Variants in RCL1 observed in about 807,000 individuals in gnomAD.
RCL1 encodes the protein RNA 3'-terminal phosphate cyclase-like protein.
In RCL1, 24 loss-of-function variants were observed where a neutral mutation model predicts 42.4. That is an observed-to-expected ratio of 0.57 (90% CI 0.41 to 0.80). The LOEUF (loss-of-function observed/expected upper bound fraction) is 0.80. RCL1 is among the 30% of genes least tolerant of loss of function. RCL1 has a pLI of 0.00. For synonymous variants in RCL1, 228 were observed against 177.3 expected, an observed-to-expected ratio of 1.29 and a Z score of -2.27; for missense variants, 578 against 467.9, an observed-to-expected ratio of 1.24 and a Z score of -2.17.
chr9:4,830,893 G>C (rs147278558), intron 3 of RCL1, among the ~76,000 whole-genome samples: 1 of 152,122 alleles, frequency 6.6e-6, no homozygotes, highest in East Asian at 1.9e-4. Flanking sequence ...CTTAGGGTTT[G>C]ATCTTTGCCT....
chr9:4,807,681 G>A (rs1390332670), intron 1 of RCL1, among the ~76,000 whole-genome samples: 2 of 152,022 alleles, frequency 1.3e-5, no homozygotes, highest in African/African-American at 4.8e-5. Context: ...AAACACACCT[G>A]GCTAATTTTG....
At chr9:4,827,250 G>C in intron 3 of RCL1, 2 of 1,477,784 alleles carry the variant, frequency 1.4e-6, no homozygotes, top group Non-Finnish European at 1.8e-6. Context: ...TTACCAAGGT[G>C]CCTTTTGTTG....
intron 1 of RCL1, among the ~76,000 whole-genome samples, chr9:4,802,939 G>C (rs35230442): frequency 0.033 from 5,086 of 152,128 alleles, 116 homozygotes; most frequent in East Asian, 0.098. Flanking sequence ...TCTTGCCTCA[G>C]CCTCCTGAGT....
chr9:4,818,897 A>G (rs888991741), intron 1 of RCL1, among the ~76,000 whole-genome samples: 1 of 151,916 alleles, frequency 6.6e-6, no homozygotes, highest in Non-Finnish European at 1.5e-5. Flanking sequence ...AAGAAAAAGA[A>G]ATTGAAATCA....
intron 1 of RCL1, among the ~76,000 whole-genome samples, chr9:4,819,605 G>A (rs1177027636): frequency 6.6e-6 from 1 of 152,158 alleles, no homozygotes; most frequent in Non-Finnish European, 1.5e-5. Flanking sequence ...TCAGGAGATT[G>A]AGACCATCCC....
chr9:4,806,040 G>T (rs1000359160), intron 1 of RCL1, among the ~76,000 whole-genome samples: 52 of 136,370 alleles, frequency 3.8e-4, no homozygotes, highest in African/African-American at 1.3e-3. Context: ...GTGTGTGTGT[G>T]TGTGTTTGTG....
At chr9:4,827,979 G>T (rs1017518766) in intron 3 of RCL1, among the ~76,000 whole-genome samples, 2 of 152,090 alleles carry the variant, frequency 1.3e-5, no homozygotes, top group African/African-American at 4.8e-5. Context: ...GAGGTCAGGA[G>T]ATCGAGACCA....
At chr9:4,811,836 C>A (rs1049506556) in intron 1 of RCL1, among the ~76,000 whole-genome samples, 1 of 152,158 alleles carries the variant, frequency 6.6e-6, no homozygotes, top group African/African-American at 2.4e-5. Context: ...TAAGTTCCTT[C>A]TTTTTGTATC....
chr9:4,834,083 T>C (rs1817040321), intron 4 of RCL1, 58 bp from the exon 5 acceptor site: 4 of 1,573,788 alleles, frequency 2.5e-6, no homozygotes, highest in Non-Finnish European at 2.6e-6. Flanking sequence ...GGGCAGGGTG[T>C]CAGGGTAATC....
chr9:4,833,265 G>A (rs1481764351), intron 4 of RCL1, 37 bp downstream of exon 4: 2 of 1,500,712 alleles, frequency 1.3e-6, no homozygotes, highest in African/African-American at 1.4e-5. Context: ...ATGTTCCTGT[G>A]GAAAACATTT....
intron 2 of RCL1, among the ~76,000 whole-genome samples, chr9:4,825,344 A>G (rs1306195481): frequency 6.6e-6 from 1 of 152,194 alleles, no homozygotes; most frequent in African/African-American, 2.4e-5. Flanking sequence ...ATTTGTATAA[A>G]TAAACATACG....
chr9:4,818,873 A>G (rs1468867967), intron 1 of RCL1, among the ~76,000 whole-genome samples: 1 of 17,400 alleles, frequency 5.7e-5, no homozygotes, highest in Non-Finnish European at 1.0e-4. Context: ...CTCTGTCTCA[A>G]AAAAAAAAAA....
intron 1 of RCL1, among the ~76,000 whole-genome samples, chr9:4,805,299 G>A (rs1297860651): frequency 6.6e-6 from 1 of 152,158 alleles, no homozygotes; most frequent in Non-Finnish European, 1.5e-5. Context: ...TGAGGCAGGA[G>A]GATCACTTGA....
rs774866378 is a variant in RCL1 at position 4,860,280 on chromosome 9, C to T, written c.*5C>T. On this transcript the variant is annotated 3_prime_UTR_variant, in exon 9 of 9. Coordinates refer to ENST00000381750, the MANE Select transcript of RCL1 (RefSeq NM_005772.5). ...CTTAGCAAGACCCTCAAGTGATAAC[C>T]ATCACAAGATAAGGCCCCAATGCCT... 10 of 1,611,878 alleles carry T rather than the reference C, an allele frequency of 6.2e-6. No individual in the cohort carries two copies. The highest frequency in any genetic ancestry group is 1.7e-5 in the Admixed American group (1 of 59,548).
intron 8 of RCL1, among the ~76,000 whole-genome samples, chr9:4,854,927 T>A (rs1817885262): frequency 6.6e-6 from 1 of 151,632 alleles, no homozygotes; most frequent in African/African-American, 2.4e-5. Context: ...GTGGCACATG[T>A]CTCTAATCCC....
intron 1 of RCL1, among the ~76,000 whole-genome samples, chr9:4,798,897 T>A (rs1282945763): frequency 1.7e-5 from 2 of 115,194 alleles, no homozygotes; most frequent in South Asian, 2.8e-4. Context: ...TTTTTTTTTT[T>A]AAAGGCAAAT....
At chr9:4,827,310 A>G (rs2131004942) in intron 3 of RCL1, 1 of 1,146,306 alleles carries the variant, frequency 8.7e-7, no homozygotes, top group Middle Eastern at 3.0e-4. Context: ...CATAGTTGAC[A>G]TGAACTATAG....
rs926760728 is a variant in RCL1, at chr9:4,839,166, A to AG, written c.585-2066_585-2065insG. 2.9e-4 allele frequency among the ~76,000 whole-genome samples: 44 copies of AG among 152,326 alleles called. 1 individual carries two copies. The highest frequency in any genetic ancestry group is 9.9e-4 in the African/African-American group (41 of 41,576). On this transcript the variant is annotated intron_variant, in intron 5 of 8. Transcript: ENST00000381750. ...ATGCCAAGCCAGATGGTTCTAAGCA[A>AG]CTGGCTTTAAAGTTCCTTTGCCTTC...
intron 8 of RCL1, 127 bp downstream of exon 8, chr9:4,849,677 A>G (rs1292418340): frequency 3.0e-6 from 2 of 671,566 alleles, no homozygotes; most frequent in Non-Finnish European, 5.3e-6. Context: ...TCCTCAAATC[A>G]GCCAGCAGTT....
Sources: gnomAD v4.1 joint callset for allele counts (sites outside exome capture counted in the v4.1 genomes callset) on GRCh38, gnomAD v4.1.1 for gene constraint, MANE v1.5 for transcripts, NCBI Gene and HGNC (gene_info 2026-07-23, HGNC 2026-07-21) for gene names.